Variants in KCTD16 observed in about 807,000 individuals in gnomAD.
The protein encoded by KCTD16 is BTB/POZ domain-containing protein KCTD16.
KCTD16 carries 13 observed loss-of-function variants against 33.2 expected under a neutral mutation model. That is an observed-to-expected ratio of 0.39 (90% CI 0.25 to 0.62). The LOEUF (loss-of-function observed/expected upper bound fraction) is 0.62. Ranked by LOEUF, KCTD16 falls within the 20% of genes least tolerant of loss-of-function variation. KCTD16 has a pLI of 0.50. For missense variants in KCTD16, 441 were observed against 525.1 expected, an observed-to-expected ratio of 0.84 and a Z score of 1.57; for synonymous variants, 197 against 195.3, an observed-to-expected ratio of 1.01 and a Z score of -0.07.
chr5:144,329,568 G>A, intron 3 of KCTD16, among the ~76,000 whole-genome samples: 1 of 152,138 alleles, frequency 6.6e-6, no homozygotes, highest in Non-Finnish European at 1.5e-5. Flanking sequence ...TTTACTACAG[G>A]AAATCACAAA....
chr5:144,382,728 T>G (rs1752243966), intron 3 of KCTD16, among the ~76,000 whole-genome samples: 1 of 152,178 alleles, frequency 6.6e-6, no homozygotes, highest in Admixed American at 6.5e-5. Context: ...GGAGGTGAAG[T>G]TTTTATTTAA....
At chr5:144,267,691 G>A (rs1755184297) in intron 3 of KCTD16, among the ~76,000 whole-genome samples, 1 of 152,112 alleles carries the variant, frequency 6.6e-6, no homozygotes, top group Admixed American at 6.5e-5. Flanking sequence ...GATCAATGGA[G>A]GAGGCAAAAC....
At chr5:144,242,674 T>C (rs1040170679) in intron 3 of KCTD16, among the ~76,000 whole-genome samples, 1 of 152,168 alleles carries the variant, frequency 6.6e-6, no homozygotes. Flanking sequence ...ATGCATTGGA[T>C]GAGGGCTTCA....
intron 3 of KCTD16, among the ~76,000 whole-genome samples, chr5:144,337,662 C>T (rs1166320449): frequency 6.6e-6 from 1 of 151,898 alleles, no homozygotes; most frequent in Non-Finnish European, 1.5e-5. Context: ...CAATATTAGA[C>T]ATTTGCAGAC....
intron 3 of KCTD16, among the ~76,000 whole-genome samples, chr5:144,340,626 A>G (rs1020185480): frequency 6.6e-5 from 10 of 152,080 alleles, no homozygotes; most frequent in African/African-American, 2.4e-4. Context: ...GGGGATAATT[A>G]GGTTTAGACA....
chr5:144,407,201 G>T (rs4146555), intron 3 of KCTD16, among the ~76,000 whole-genome samples: 22 of 142,474 alleles, frequency 1.5e-4, no homozygotes, highest in East Asian at 4.1e-4. Flanking sequence ...AAAAATTCCT[G>T]TTTTTTTTTT....
intron 3 of KCTD16, among the ~76,000 whole-genome samples, chr5:144,310,819 C>A (rs1452983968): frequency 6.6e-6 from 1 of 152,072 alleles, no homozygotes; most frequent in African/African-American, 2.4e-5. Flanking sequence ...AACTGAAATT[C>A]ACTGACAGAC....
intron 3 of KCTD16, among the ~76,000 whole-genome samples, chr5:144,269,430 G>A (rs979491095): frequency 6.6e-6 from 1 of 151,940 alleles, no homozygotes; most frequent in South Asian, 2.1e-4. Context: ...TAGAAAACAA[G>A]GGGGTGATAT....
intron 3 of KCTD16, among the ~76,000 whole-genome samples, chr5:144,333,151 T>C (rs1752400286): frequency 6.6e-6 from 1 of 152,220 alleles, no homozygotes; most frequent in Admixed American, 6.5e-5. Context: ...AAATATGTTA[T>C]AATGCTACTT....
rs1463853482 is a variant in KCTD16 at position 144,484,278 on chromosome 5, G to T, written c.*10164G>T. The T allele has an allele frequency of 6.6e-6, 1 of 151,782 alleles. No homozygotes were observed. The allele number at this position is 151,782 out of a possible 1,614,324, so 9.4% of individuals were successfully genotyped here. On this transcript the variant is annotated 3_prime_UTR_variant, in exon 4 of 4. Transcript: ENST00000512467. ...AGACACACAGAAACACAAACTTAGC[G>T]GAGCTGCACTTCAGAGAGTCCCACT...
intron 3 of KCTD16, among the ~76,000 whole-genome samples, chr5:144,304,405 A>T (rs754933060): frequency 6.6e-6 from 1 of 152,028 alleles, no homozygotes. Context: ...CTTAAAAGGG[A>T]TATGAAGAAT....
At chr5:144,191,105 AT>A (rs944991092) in intron 2 of KCTD16, among the ~76,000 whole-genome samples, 1 of 152,102 alleles carries the variant, frequency 6.6e-6, no homozygotes, top group African/African-American at 2.4e-5. Context: ...GAGGGAAAAT[AT>A]TTTTTAATAC....
chr5:144,317,182 G>A (rs1167015920), intron 3 of KCTD16, among the ~76,000 whole-genome samples: 21 of 151,784 alleles, frequency 1.4e-4, no homozygotes. Context: ...GTTTGTTTTG[G>A]CAACCAAGTC....
intron 3 of KCTD16, among the ~76,000 whole-genome samples, chr5:144,416,901 C>T (rs1014552758): frequency 6.6e-6 from 1 of 151,984 alleles, no homozygotes; most frequent in Non-Finnish European, 1.5e-5. Context: ...GGCTTTTTTC[C>T]CCTAACATAA....
intron 3 of KCTD16, among the ~76,000 whole-genome samples, chr5:144,461,761 G>A (rs976541918): frequency 6.6e-5 from 10 of 152,094 alleles, no homozygotes; most frequent in African/African-American, 1.4e-4. Flanking sequence ...TTAGCCACCC[G>A]TGAACTACTC....
chr5:144,171,966 G>A (rs1415268876), intron 1 of KCTD16, among the ~76,000 whole-genome samples: 1 of 152,138 alleles, frequency 6.6e-6, no homozygotes, highest in Non-Finnish European at 1.5e-5. Flanking sequence ...ACTTTCTTCA[G>A]GGTTTATAGC....
At position 144,481,830 on chromosome 5, in the gene KCTD16, A is replaced by G. The variant is rs1046207606; in HGVS notation, c.*7716A>G. 5.3e-5 allele frequency: 8 copies of G among 151,990 alleles called. No homozygotes were observed. The highest frequency in any genetic ancestry group is 1.0e-4 in the Non-Finnish European group (7 of 67,950). 9.4% of individuals were successfully genotyped at this position (151,990 alleles called of 1,614,324 possible). On this transcript the variant is annotated 3_prime_UTR_variant, in exon 4 of 4. Transcript: ENST00000512467. ...ATTATTTCTATATGTAGTTCTGATC[A>G]GTATTCTAGAATTATGGTTTAAATA...
rs1580831797 is a variant in KCTD16 at position 144,266,435 on chromosome 5, G to A, written c.832+58889G>A. Among the ~76,000 whole-genome samples the A allele has an allele frequency of 2.0e-5, 3 of 152,170 alleles. No homozygotes were observed. In the East Asian group the frequency reaches 5.8e-4, roughly 29 times the overall value. ...AGGGTAGCACCAAAACAACGCTGCA[G>A]GAGATGAGAGCATCAAAAAGATTTG... On this transcript the variant is annotated intron_variant, in intron 3 of 3. Transcript: ENST00000512467.
chr5:144,429,090 CAG>C (rs1224236020), intron 3 of KCTD16, among the ~76,000 whole-genome samples: 4 of 152,004 alleles, frequency 2.6e-5, no homozygotes, highest in Admixed American at 1.3e-4. Context: ...ATAAAGAAGA[CAG>C]GGGTTGGGCA....
Sources: gnomAD v4.1 joint callset for allele counts (sites outside exome capture counted in the v4.1 genomes callset) on GRCh38, gnomAD v4.1.1 for gene constraint, MANE v1.5 for transcripts, NCBI Gene and HGNC (gene_info 2026-07-23, HGNC 2026-07-21) for gene names.